The following STON2 variants were observed in gnomAD, a reference collection of about 807,000 sequenced individuals.
STON2 encodes the protein stonin 2, also known as stonin-2.
In STON2, 29 loss-of-function variants were observed where a neutral mutation model predicts 65.7. The observed-to-expected ratio is 0.44, with a 90% CI of 0.33 to 0.60. STON2 has a LOEUF of 0.60. Ranked by LOEUF, STON2 falls within the 20% of genes least tolerant of loss-of-function variation. The pLI, the probability that STON2 is intolerant of heterozygous loss-of-function variation, is 0.03. For missense variants in STON2, 1,054 were observed against 1,118.1 expected (o/e 0.94, Z 0.82); for synonymous variants, 404 against 414.2 (o/e 0.98, Z 0.30).
intron 4 of STON2, among the ~76,000 whole-genome samples, chr14:81,366,000 G>A (rs1240558283): frequency 6.6e-6 from 1 of 152,194 alleles, no homozygotes; most frequent in East Asian, 1.9e-4. Context: ...AGACAAAGGA[G>A]ACTCCTGTGG....
At chr14:81,367,681 T>C (rs1898800910) in intron 4 of STON2, among the ~76,000 whole-genome samples, 2 of 152,324 alleles carry the variant, frequency 1.3e-5, no homozygotes, top group South Asian at 4.1e-4. Flanking sequence ...CATGGGTTAT[T>C]ACAGCTCAGG....
intron 4 of STON2, among the ~76,000 whole-genome samples, chr14:81,366,445 G>C (rs539078404): frequency 6.6e-6 from 1 of 152,298 alleles, no homozygotes; most frequent in East Asian, 1.9e-4. Context: ...GAGGTGCCCA[G>C]TGGTTACCCT....
chr14:81,389,587 T>G (rs1193810726), intron 3 of STON2, among the ~76,000 whole-genome samples: 2 of 152,238 alleles, frequency 1.3e-5, no homozygotes, highest in African/African-American at 2.4e-5. Context: ...AGGGCCATTT[T>G]GTCTAAGCTG....
chr14:81,262,455 C>T lies in STON2; in HGVS notation c.*5959G>A. On this transcript the variant is annotated 3_prime_UTR_variant, in exon 8 of 8. Coordinates refer to ENST00000614646, the MANE Select transcript of STON2 (RefSeq NM_001394390.1). ...TTTTACTATGCAATCTTTATTTTTC[C>T]TGGAGCTTCTTACTTTTAACTTTAA... 1 of 985,292 alleles carries T rather than the reference C, an allele frequency of 1.0e-6. No individual in the cohort carries two copies. Among genetic ancestry groups the T allele is most frequent in the East Asian group, 1.1e-4 (1 of 8,810 alleles). The allele number at this position is 985,292 out of a possible 1,614,324, so 61.0% of individuals were successfully genotyped here.
chr14:81,417,817 A>G (rs546064554), intron 2 of STON2, among the ~76,000 whole-genome samples: 15 of 152,292 alleles, frequency 9.8e-5, no homozygotes, highest in Admixed American at 9.2e-4. Context: ...TGCCTACATA[A>G]GGGAGTGGGG....
intron 3 of STON2, among the ~76,000 whole-genome samples, chr14:81,393,645 T>C (rs1468298759): frequency 1.3e-5 from 2 of 152,224 alleles, no homozygotes; most frequent in African/African-American, 4.8e-5. Context: ...GAGTACATGA[T>C]ATGAAGTAGC....
At chr14:81,333,343 T>G (rs193181321) in intron 4 of STON2, 1 of 558,920 alleles carries the variant, frequency 1.8e-6, no homozygotes. Flanking sequence ...CTAGTTCAGA[T>G]AGTTACCATG....
intron 2 of STON2, chr14:81,412,953 C>A: frequency 1.1e-6 from 1 of 906,392 alleles, no homozygotes; most frequent in South Asian, 1.6e-5. Flanking sequence ...AGCCAGCCCC[C>A]TTCTCCATGG....
chr14:81,320,498 ATTTC>A (rs1896787962), intron 5 of STON2, among the ~76,000 whole-genome samples: 1 of 100,442 alleles, frequency 1.0e-5, no homozygotes, highest in Non-Finnish European at 2.2e-5. Context: ...GCCAAATGTG[ATTTC>A]TTTCTAAGTG....
chr14:81,333,211 TTGTACA>T, intron 4 of STON2: 2 of 964,056 alleles, frequency 2.1e-6, no homozygotes. Context: ...CAGTGTGGTC[TTGTACA>T]TTTTTGCTAG....
chr14:81,367,450 T>C (rs1241485140), intron 4 of STON2, among the ~76,000 whole-genome samples: 1 of 152,218 alleles, frequency 6.6e-6, no homozygotes, highest in Non-Finnish European at 1.5e-5. Flanking sequence ...GTGCTGGGAA[T>C]ACAGGCACGA....
chr14:81,277,204 C>T lies in STON2; in HGVS notation c.2278G>A (p.Val760Met), dbSNP rs1266038011. The change falls in exon 6 of 8, where the codon GTG becomes ATG. Residue 760 changes from valine to methionine, a missense_variant. Physicochemically the swap from Val to Met is conservative, Grantham distance 21. Transcript: ENST00000614646. ...GTTGACATCCTCAGCCAGCTCTGCA[C>T]CTCCACCTCTGCCCCATTGACACTT... ...ATSVNGAEVE[V>M]QSWLRMSTGF... 2 of 1,614,218 alleles carry T rather than the reference C, an allele frequency of 1.2e-6. No individual in the cohort carries two copies. Among genetic ancestry groups the T allele is most frequent in the Non-Finnish European group, 1.7e-6 (2 of 1,180,034 alleles).
At chr14:81,311,334 G>T (rs1025271059) in intron 5 of STON2, among the ~76,000 whole-genome samples, 3 of 152,020 alleles carry the variant, frequency 2.0e-5, no homozygotes, top group Admixed American at 6.6e-5. Flanking sequence ...CTTCCTCACC[G>T]AGGCTCCTCC....
At chr14:81,276,760 T>G (rs2140116281) in intron 6 of STON2, 141 bp downstream of exon 6, 3 of 957,134 alleles carry the variant, frequency 3.1e-6, no homozygotes, top group Non-Finnish European at 4.7e-6. Context: ...TCAATTATTT[T>G]TACTTTTCTG....
At chr14:81,306,317 C>T (rs1177721514) in intron 5 of STON2, among the ~76,000 whole-genome samples, 3 of 144,946 alleles carry the variant, frequency 2.1e-5, no homozygotes, top group African/African-American at 5.1e-5. Flanking sequence ...GCAACCTTCA[C>T]CTCCCGGGTT....
At chr14:81,330,849 T>C (rs1005096482) in intron 4 of STON2, among the ~76,000 whole-genome samples, 4 of 152,230 alleles carry the variant, frequency 2.6e-5, no homozygotes, top group Non-Finnish European at 5.9e-5. Flanking sequence ...GACAGGACTA[T>C]GCAATAGACT....
chr14:81,377,019 G>GGT (rs759520547), intron 3 of STON2, among the ~76,000 whole-genome samples: 2 of 152,012 alleles, frequency 1.3e-5, no homozygotes, highest in Non-Finnish European at 2.9e-5. Context: ...TGTACGTGGG[G>GGT]GTGTGTGTGT....
At chr14:81,302,840 G>A (rs1595317879) in intron 5 of STON2, among the ~76,000 whole-genome samples, 1 of 152,344 alleles carries the variant, frequency 6.6e-6, no homozygotes, top group East Asian at 1.9e-4. Flanking sequence ...AGGATGTTGT[G>A]AGAATTACAG....
At chr14:81,293,176 C>CTTTTTT (rs537387012) in intron 5 of STON2, among the ~76,000 whole-genome samples, 1 of 138,952 alleles carries the variant, frequency 7.2e-6, no homozygotes. Flanking sequence ...TGACTTGTGT[C>CTTTTTT]TTTTTTTTTT....
Sources: allele counts gnomAD v4.1 joint callset (sites outside exome capture counted in the v4.1 genomes callset), GRCh38; gene constraint gnomAD v4.1.1; transcripts MANE v1.5; gene names NCBI Gene and HGNC (gene_info 2026-07-23, HGNC 2026-07-21).